The following IMMT variants were observed in gnomAD, a reference collection of about 807,000 sequenced individuals.
IMMT encodes the protein MICOS complex subunit MIC60.
Under a neutral mutation model 92.7 loss-of-function variants are expected in IMMT, and 40 were observed. The observed-to-expected ratio is 0.43, with a 90% CI of 0.34 to 0.56. The LOEUF is 0.56. Ranked by LOEUF, IMMT falls within the 20% of genes least tolerant of loss-of-function variation. The probability of loss-of-function intolerance (pLI) is 0.03; values close to 1 mark genes in which losing one functional copy is unlikely to be tolerated. For synonymous variants in IMMT, 322 were observed against 336.1 expected (o/e 0.96, Z 0.46); for missense variants, 831 against 912.1 (o/e 0.91, Z 1.14).
chr2:86,154,581 G>C (rs181387118), intron 10 of IMMT, among the ~76,000 whole-genome samples: 204 of 152,212 alleles, frequency 1.3e-3, no homozygotes, highest in African/African-American at 3.6e-3. Context: ...CACAGTACCA[G>C]GCCTCTCTTA....
At chr2:86,163,633 G>T (rs971784391) in intron 7 of IMMT, among the ~76,000 whole-genome samples, 1 of 152,108 alleles carries the variant, frequency 6.6e-6, no homozygotes, top group African/African-American at 2.4e-5. Flanking sequence ...CAGGATAAGA[G>T]TCCATACATT....
intron 9 of IMMT, 68 bp from the exon 10 acceptor site, chr2:86,158,789 A>T: frequency 1.6e-6 from 2 of 1,267,884 alleles, no homozygotes; most frequent in Non-Finnish European, 2.2e-6. Context: ...AAGAAACAGA[A>T]GTAGTATTCC....
chr2:86,171,098 G>T, intron 5 of IMMT, 110 bp downstream of exon 5: 1 of 979,948 alleles, frequency 1.0e-6, no homozygotes, highest in Non-Finnish European at 1.5e-6. Flanking sequence ...AAACTCTGAA[G>T]ACCTAAACCT....
intron 7 of IMMT, among the ~76,000 whole-genome samples, chr2:86,164,599 G>C (rs1003635899): frequency 1.3e-5 from 2 of 149,558 alleles, no homozygotes; most frequent in African/African-American, 4.9e-5. Flanking sequence ...GCTAAGGCAG[G>C]AGAATTGCTT....
chr2:86,147,971 T>G, intron 12 of IMMT, 138 bp from the exon 13 acceptor site: 1 of 714,736 alleles, frequency 1.4e-6, no homozygotes, highest in Non-Finnish European at 2.3e-6. Context: ...ATGTGTACAC[T>G]TCTACTTCTC....
Position 86,147,722 on chromosome 2 carries a change from A to G in IMMT, c.1513T>C (p.Leu505=), listed in dbSNP as rs375971231. 4 of 1,613,370 alleles carry G rather than the reference A, an allele frequency of 2.5e-6. No individual in the cohort carries two copies. The highest frequency in any genetic ancestry group is 1.3e-5 in the African/African-American group (1 of 74,910). ...CTCACCTGCTCAAATTCAGACTTCA[A>G]TTCCTGTTCTTGTACCCTAAGGACA... The part of the protein sequence containing the change: ...RDVLRVQEQE[L]KSEFEQNLSE... The change falls in exon 13 of 15, where the codon TTG becomes CTG. Residue 505 remains leucine, a synonymous_variant. Coordinates refer to ENST00000410111, the MANE Select transcript of IMMT (RefSeq NM_006839.3).
chr2:86,151,648 G>A (rs1262497458), intron 11 of IMMT, 128 bp from the exon 12 acceptor site: 20 of 704,286 alleles, frequency 2.8e-5, no homozygotes, highest in Non-Finnish European at 4.5e-5. Flanking sequence ...AACATGAAAA[G>A]AGATTTAGAT....
Position 86,147,738 on chromosome 2 carries a change from C to T in IMMT, c.1497G>A (p.Arg499=). The T allele has an allele frequency of 6.2e-7, 1 of 1,613,790 alleles. No individual in the cohort carries two copies. The highest frequency in any genetic ancestry group is 8.5e-7 in the Non-Finnish European group (1 of 1,179,768). The change falls in exon 13 of 15, where the codon AGG becomes AGA. Residue 499 remains arginine (R), a synonymous_variant. Coordinates refer to ENST00000410111, the MANE Select transcript of IMMT (RefSeq NM_006839.3). ...CAGACTTCAATTCCTGTTCTTGTAC[C>T]CTAAGGACATCTCGCAAGTGATCAG... is the stretch of plus-strand genomic sequence containing the variant. The part of the protein sequence containing the change: ...AHTDHLRDVL[R]VQEQELKSEF...
chr2:86,151,179 A>C, intron 12 of IMMT, 118 bp downstream of exon 12: 1 of 867,920 alleles, frequency 1.2e-6, no homozygotes, highest in East Asian at 2.6e-5. Flanking sequence ...TGGCCTCCCA[A>C]AGTGCCGCGA....
At chr2:86,194,208 T>C (rs1242230926) in intron 1 of IMMT, among the ~76,000 whole-genome samples, 1 of 152,204 alleles carries the variant, frequency 6.6e-6, no homozygotes, top group Admixed American at 6.5e-5. Context: ...GATCTCCAAA[T>C]GAGAACCACA....
chr2:86,149,078 T>C (rs1024781172), intron 12 of IMMT, among the ~76,000 whole-genome samples: 1 of 152,202 alleles, frequency 6.6e-6, no homozygotes, highest in East Asian at 1.9e-4. Flanking sequence ...TTGTGAAGCA[T>C]CAACACCCCT....
intron 1 of IMMT, among the ~76,000 whole-genome samples, chr2:86,182,004 A>G (rs1408193189): frequency 1.3e-5 from 2 of 152,238 alleles, no homozygotes; most frequent in African/African-American, 4.8e-5. Context: ...CTGTCCCCAT[A>G]TAACTAGTCT....
rs1013071173 is a variant in IMMT at position 86,195,020 on chromosome 2, C to G, written c.45+318G>C. 4.1e-5 allele frequency: 14 copies of G among 341,668 alleles called. 1 individual carries two copies. The highest frequency in any genetic ancestry group is 7.2e-5 in the Non-Finnish European group (13 of 180,190). The allele number at this position is 341,668 out of a possible 1,614,324, so 21.2% of individuals were successfully genotyped here. A position where few individuals can be genotyped will look rare whatever the true frequency, so the allele number is the denominator to read the frequency against. ...TCAGCACTGAAAACCTATCGCGCGC[C>G]CAACCGGCGACCCAGACGCCAGCAG... On this transcript the variant is annotated intron_variant, in intron 1 of 14. Transcript: ENST00000410111.
chr2:86,151,229 A>AT, intron 12 of IMMT, 68 bp downstream of exon 12: 1 of 1,342,664 alleles, frequency 7.4e-7, no homozygotes. Context: ...AGCCAGTATT[A>AT]TTTCTACAAG....
intron 8 of IMMT, 45 bp from the exon 9 acceptor site, chr2:86,159,716 T>C (rs1473558680): frequency 2.7e-6 from 4 of 1,492,780 alleles, no homozygotes; most frequent in Non-Finnish European, 3.6e-6. Context: ...TCTTGTCAAC[T>C]GTATTAAAAA....
At chr2:86,144,918 C>T (rs564736979) in intron 14 of IMMT, 37 bp from the exon 15 acceptor site, 74 of 1,548,354 alleles carry the variant, frequency 4.8e-5, no homozygotes, top group South Asian at 1.4e-4. Context: ...ACATTTTTCT[C>T]TCCATCTGAC....
chr2:86,156,455 G>A (rs1269790697), intron 10 of IMMT, among the ~76,000 whole-genome samples: 1 of 151,946 alleles, frequency 6.6e-6, no homozygotes, highest in Non-Finnish European at 1.5e-5. Flanking sequence ...TTAGCTGGGT[G>A]TGGTGGCACA....
At chr2:86,169,765 A>C (rs1294982964) in intron 6 of IMMT, among the ~76,000 whole-genome samples, 6 of 152,098 alleles carry the variant, frequency 3.9e-5, no homozygotes. Flanking sequence ...TGATAAAAAA[A>C]ACTTGGCCAG....
intron 1 of IMMT, among the ~76,000 whole-genome samples, chr2:86,187,217 T>C (rs1390421367): frequency 6.7e-6 from 1 of 150,094 alleles, no homozygotes; most frequent in Non-Finnish European, 1.5e-5. Flanking sequence ...CCCATTTTCC[T>C]CTCTCTCTGG....
Sources: allele counts gnomAD v4.1 joint callset (sites outside exome capture counted in the v4.1 genomes callset), GRCh38; gene constraint gnomAD v4.1.1; transcripts MANE v1.5; gene names NCBI Gene and HGNC (gene_info 2026-07-23, HGNC 2026-07-21).